The following GAB4 variants were observed in gnomAD, a reference collection of about 807,000 sequenced individuals.
GAB4 encodes the protein GRB2 associated binding protein family member 4.
Under a neutral mutation model 51.3 loss-of-function variants are expected in GAB4, and 26 were observed. That is an observed-to-expected ratio of 0.51 (90% CI 0.37 to 0.70). GAB4 has a LOEUF of 0.70. GAB4 is among the 30% of genes least tolerant of loss of function. GAB4 has a pLI of 0.00. For synonymous variants in GAB4, 329 were observed against 291.2 expected, an observed-to-expected ratio of 1.13 and a Z score of -1.32; for missense variants, 759 against 734.6, an observed-to-expected ratio of 1.03 and a Z score of -0.38.
At chr22:16,970,506 C>A (rs1416622949) in intron 3 of GAB4, among the ~76,000 whole-genome samples, 1 of 152,294 alleles carries the variant, frequency 6.6e-6, no homozygotes, top group East Asian at 1.9e-4. Flanking sequence ...TTCCTCTCCC[C>A]CAATGGCTGT....
chr22:17,003,218 C>T (rs1418986580), intron 1 of GAB4, among the ~76,000 whole-genome samples: 1 of 152,196 alleles, frequency 6.6e-6, no homozygotes, highest in African/African-American at 2.4e-5. Flanking sequence ...TAGACTCCCA[C>T]ACAGTAATAG....
At chr22:16,990,995 C>T (rs1411556367) in intron 2 of GAB4, among the ~76,000 whole-genome samples, 1 of 151,578 alleles carries the variant, frequency 6.6e-6, no homozygotes, top group Non-Finnish European at 1.5e-5. Flanking sequence ...AGGATTGTAA[C>T]ATTAAAAAAA....
In GAB4 at chr22:16,964,863, C is replaced by T. The variant is rs760752954; in HGVS notation, c.1380-1G>A. 1 of 1,612,796 alleles carries T rather than the reference C, an allele frequency of 6.2e-7. No individual in the cohort carries two copies. On this transcript the variant is annotated splice_acceptor_variant, in intron 7 of 9. Transcript: ENST00000400588. LOFTEE classifies it high-confidence loss of function. ...GGAGGAGCTGGAGTCAAAGGTGTGGCTGTCATGGGAAGAAGGCAAGGAGTA... is the reference window on the plus strand; with the variant it reads ...GGAGGAGCTGGAGTCAAAGGTGTGGTTGTCATGGGAAGAAGGCAAGGAGTA...
At chr22:16,980,161 G>A (rs1321865194) in intron 3 of GAB4, among the ~76,000 whole-genome samples, 1 of 152,102 alleles carries the variant, frequency 6.6e-6, no homozygotes, top group Non-Finnish European at 1.5e-5. Context: ...TAGACAAATA[G>A]GATCTAATTA....
At chr22:16,963,618 G>A (rs1358111685) in intron 9 of GAB4, 107 bp downstream of exon 9, 3 of 758,386 alleles carry the variant, frequency 4.0e-6, no homozygotes, top group African/African-American at 3.4e-5. Flanking sequence ...ACTGGGCTGG[G>A]AGTGGCAGCC....
chr22:16,964,367 G>C (rs1231244575), intron 8 of GAB4, among the ~76,000 whole-genome samples: 1 of 152,152 alleles, frequency 6.6e-6, no homozygotes, highest in Admixed American at 6.5e-5. Context: ...CCTCTTCAGT[G>C]CCAATCTAAG....
intron 1 of GAB4, among the ~76,000 whole-genome samples, chr22:16,999,581 C>G (rs2060978667): frequency 6.6e-6 from 1 of 151,988 alleles, no homozygotes; most frequent in South Asian, 2.1e-4. Flanking sequence ...TTGATCTTTT[C>G]AAAAAACCAG....
intron 2 of GAB4, among the ~76,000 whole-genome samples, chr22:16,988,941 A>C (rs1263936955): frequency 2.6e-5 from 4 of 152,158 alleles, no homozygotes; most frequent in Non-Finnish European, 4.4e-5. Context: ...AGACCTGCTC[A>C]AATATCATAT....
intron 1 of GAB4, among the ~76,000 whole-genome samples, chr22:17,004,843 G>A (rs1041438213): frequency 6.6e-6 from 1 of 152,106 alleles, no homozygotes; most frequent in African/African-American, 2.4e-5. Flanking sequence ...AGTATTGATG[G>A]AACATATCTC....
Position 16,992,164 on chromosome 22 carries a change from GTTT to G in GAB4, c.184_186del (p.Lys62del), listed in dbSNP as rs767448522. 1.5e-5 allele frequency: 24 copies of G among 1,608,700 alleles called. No homozygotes were observed. The highest frequency in any genetic ancestry group is 3.4e-6 in the Non-Finnish European group (4 of 1,175,976). ...TGGCCCCTCCGCAGGATAAACCAGC[GTTT>G]CCTCCAGGCCTAAGGAAGGAGTAAG... On this transcript the variant is annotated inframe_deletion, in exon 2 of 10. Coordinates refer to ENST00000400588, the MANE Select transcript of GAB4 (RefSeq NM_001037814.1).
chr22:16,983,685 GA>G (rs1385046336), intron 3 of GAB4, among the ~76,000 whole-genome samples: 10 of 152,182 alleles, frequency 6.6e-5, no homozygotes, highest in African/African-American at 2.4e-4. Context: ...AAGATGCCAA[GA>G]GTATACACTG....
chr22:16,973,448 T>C (rs1016724338), intron 3 of GAB4, among the ~76,000 whole-genome samples: 1 of 152,148 alleles, frequency 6.6e-6, no homozygotes, highest in African/African-American at 2.4e-5. Context: ...CTCTTCCTCC[T>C]TAAACCCCAC....
chr22:16,987,638 T>C (rs1481244226), intron 3 of GAB4, among the ~76,000 whole-genome samples: 1 of 152,242 alleles, frequency 6.6e-6, no homozygotes, highest in Non-Finnish European at 1.5e-5. Context: ...GGCCAACACA[T>C]AAACCGACTT....
intron 1 of GAB4, among the ~76,000 whole-genome samples, chr22:16,997,966 T>C (rs1342975527): frequency 1.3e-5 from 2 of 152,306 alleles, no homozygotes; most frequent in South Asian, 2.1e-4. Flanking sequence ...AAATGTGTGG[T>C]ATTATTTCTG....
intron 3 of GAB4, among the ~76,000 whole-genome samples, chr22:16,985,213 A>C (rs2060857851): frequency 6.6e-6 from 1 of 152,074 alleles, no homozygotes. Flanking sequence ...CATTACATAC[A>C]TTTTTTGCCC....
chr22:17,000,041 G>A (rs2060984657), intron 1 of GAB4, among the ~76,000 whole-genome samples: 1 of 152,224 alleles, frequency 6.6e-6, no homozygotes, highest in Non-Finnish European at 1.5e-5. Flanking sequence ...TACATTGGCT[G>A]AGGAGTGCTT....
At chr22:16,980,068 C>T (rs2060814463) in intron 3 of GAB4, among the ~76,000 whole-genome samples, 1 of 152,162 alleles carries the variant, frequency 6.6e-6, no homozygotes, top group Non-Finnish European at 1.5e-5. Context: ...TGGAAAAAAA[C>T]CTAGGCAATA....
At chr22:16,963,630 A>G in intron 9 of GAB4, 95 bp downstream of exon 9, 1 of 829,364 alleles carries the variant, frequency 1.2e-6, no homozygotes, top group South Asian at 1.6e-5. Context: ...GTGGCAGCCC[A>G]GCAGCCCAGT....
rs1313702454 is a variant in GAB4, at chr22:16,962,617, A to G, written c.*116T>C. On this transcript the variant is annotated 3_prime_UTR_variant, in exon 10 of 10. Transcript: ENST00000400588. ...CCAAGCAGGCAAAGGATGTATATTG[A>G]TCAGGCCTCTGCTCTCTATGTAAGG... 2 of 959,002 alleles carry G rather than the reference A, an allele frequency of 2.1e-6. No individual in the cohort carries two copies. Among genetic ancestry groups the G allele is most frequent in the Non-Finnish European group, 2.9e-6 (2 of 678,622 alleles). 59.4% of individuals were successfully genotyped at this position (959,002 alleles called of 1,614,324 possible). A position where few individuals can be genotyped will look rare whatever the true frequency, so the allele number is the denominator to read the frequency against.
Sources: allele counts gnomAD v4.1 joint callset (sites outside exome capture counted in the v4.1 genomes callset), GRCh38; gene constraint gnomAD v4.1.1; transcripts MANE v1.5; gene names NCBI Gene and HGNC (gene_info 2026-07-23, HGNC 2026-07-21).